The following CNTN5 variants were observed in gnomAD, a reference collection of about 807,000 sequenced individuals.
CNTN5 encodes contactin 5, also known as contactin-5.
A neutral mutation model predicts 129.1 loss-of-function variants in CNTN5; 77 were observed. The ratio of observed to expected loss-of-function variants is 0.60; its 90% CI spans 0.50 to 0.72. CNTN5 has a LOEUF of 0.72. Ranked by LOEUF, CNTN5 falls within the 30% of genes least tolerant of loss-of-function variation. The pLI is 0.00. For missense variants in CNTN5, 1,478 were observed against 1,328.8 expected (o/e 1.11, Z -1.75); for synonymous variants, 509 against 465.6 (o/e 1.09, Z -1.20).
intron 1 of CNTN5, among the ~76,000 whole-genome samples, chr11:99,201,315 C>T (rs563263334): frequency 3.2e-4 from 41 of 126,602 alleles, no homozygotes; most frequent in African/African-American, 9.2e-4. Context: ...TGAGCCACTG[C>T]GCCTGGCCCC....
chr11:100,179,746 T>G (rs959996515), intron 13 of CNTN5, among the ~76,000 whole-genome samples: 8 of 152,084 alleles, frequency 5.3e-5, no homozygotes, highest in Admixed American at 2.0e-4. Context: ...AAAAATAATT[T>G]ATCCATTGCT....
intron 2 of CNTN5, among the ~76,000 whole-genome samples, chr11:99,414,714 G>T (rs1182573815): frequency 6.6e-6 from 1 of 151,998 alleles, no homozygotes; most frequent in East Asian, 1.9e-4. Flanking sequence ...GATATCTGGG[G>T]GAAATTATTT....
At chr11:99,644,225 C>T (rs909281303) in intron 3 of CNTN5, among the ~76,000 whole-genome samples, 1 of 90,860 alleles carries the variant, frequency 1.1e-5, no homozygotes, top group Non-Finnish European at 2.8e-5. Context: ...TCAGAAACTC[C>T]TCCTATTACG....
intron 10 of CNTN5, among the ~76,000 whole-genome samples, chr11:100,068,451 G>A (rs1235603891): frequency 6.6e-6 from 1 of 152,108 alleles, no homozygotes; most frequent in Non-Finnish European, 1.5e-5. Context: ...TATGTAGAGT[G>A]AACAGTTTAA....
intron 1 of CNTN5, among the ~76,000 whole-genome samples, chr11:99,138,522 A>G (rs563027270): frequency 1.3e-5 from 2 of 152,264 alleles, no homozygotes; most frequent in Admixed American, 6.5e-5. Flanking sequence ...ATTTTTAAAC[A>G]ATGTTGCGAT....
rs189051850 is a variant in CNTN5 at position 100,216,679 on chromosome 11, C to G, written c.1885-8013C>G. The stretch of plus-strand genomic sequence containing the variant: ...GATACTGACATTTCATAGAGCTATG[C>G]AGCCTTTTATGCCTAGATGCGGTTG... On this transcript the variant is annotated intron_variant, in intron 15 of 24. Transcript: ENST00000524871. Among the ~76,000 whole-genome samples, 14 of 152,174 alleles carry G rather than the reference C, an allele frequency of 9.2e-5. No individual in the cohort carries two copies. In the East Asian group the frequency reaches 2.7e-3, roughly 29 times the overall value.
At chr11:99,775,149 C>G (rs778413368) in intron 3 of CNTN5, among the ~76,000 whole-genome samples, 1 of 151,968 alleles carries the variant, frequency 6.6e-6, no homozygotes, top group Admixed American at 6.6e-5. Context: ...CTGCCATGGG[C>G]GTGATGCTTA....
chr11:99,975,402 C>T (rs1482187816), intron 8 of CNTN5, among the ~76,000 whole-genome samples: 2 of 152,114 alleles, frequency 1.3e-5, no homozygotes, highest in Admixed American at 6.6e-5. Flanking sequence ...TGCCTGTACC[C>T]ATATTGTGAG....
intron 2 of CNTN5, among the ~76,000 whole-genome samples, chr11:99,420,903 C>T (rs1942858389): frequency 6.6e-6 from 1 of 152,138 alleles, no homozygotes; most frequent in Non-Finnish European, 1.5e-5. Context: ...CCTTTGCTGT[C>T]CATGTGAAGG....
chr11:100,338,107 C>T (rs746832177), intron 21 of CNTN5, among the ~76,000 whole-genome samples: 13 of 152,110 alleles, frequency 8.5e-5, no homozygotes, highest in African/African-American at 1.2e-4. Flanking sequence ...ATACAAAAGA[C>T]GAGGAAGAAA....
chr11:100,134,694 C>A (rs1946471556), intron 13 of CNTN5, among the ~76,000 whole-genome samples: 1 of 152,148 alleles, frequency 6.6e-6, no homozygotes, highest in Non-Finnish European at 1.5e-5. Context: ...TTCTGATCAT[C>A]CATCAGCCTT....
At chr11:100,051,368 G>C (rs1225006439) in intron 9 of CNTN5, among the ~76,000 whole-genome samples, 19 of 151,912 alleles carry the variant, frequency 1.3e-4, no homozygotes, top group Non-Finnish European at 1.5e-5. Context: ...CAAATATTTA[G>C]AAATTCAAAA....
intron 1 of CNTN5, among the ~76,000 whole-genome samples, chr11:99,145,096 G>C (rs1166248116): frequency 1.3e-5 from 2 of 152,058 alleles, no homozygotes; most frequent in South Asian, 4.1e-4. Flanking sequence ...TTGAGACAGA[G>C]GCTTGCTCTT....
intron 1 of CNTN5, among the ~76,000 whole-genome samples, chr11:99,076,822 A>G (rs560392055): frequency 3.9e-5 from 6 of 152,324 alleles, no homozygotes; most frequent in South Asian, 4.1e-4. Context: ...TAAAGGAAAG[A>G]GAAATCTGAT....
intron 2 of CNTN5, among the ~76,000 whole-genome samples, chr11:99,393,317 A>T (rs577164184): frequency 4.0e-5 from 6 of 151,842 alleles, no homozygotes; most frequent in Non-Finnish European, 8.9e-5. Context: ...ACAAGCATGG[A>T]TTGGAGACAG....
At chr11:99,738,641 G>GTGTGTGTGTGTGTGTC (rs764974721) in intron 3 of CNTN5, among the ~76,000 whole-genome samples, 1 of 151,354 alleles carries the variant, frequency 6.6e-6, no homozygotes, top group Non-Finnish European at 1.5e-5. Flanking sequence ...GTGTGTGTGT[G>GTGTGTGTGTGTGTGTC]TATGTGTGTG....
At position 99,184,354 on chromosome 11, in the gene CNTN5, A is replaced by G. The variant is rs555285784; in HGVS notation, c.-209-140992A>G. Among the ~76,000 whole-genome samples the G allele has an allele frequency of 5.9e-5, 9 of 151,890 alleles. No individual in the cohort carries two copies. In the East Asian group the frequency reaches 1.2e-3, roughly 20 times the overall value. On this transcript the variant is annotated intron_variant, in intron 1 of 24. Coordinates refer to ENST00000524871, the MANE Select transcript of CNTN5 (RefSeq NM_014361.4). ...ACAATTTTATGAACTCACAGCTGCT[A>G]CTCCCTCTGCTCAGAAAGCCTCCTG... is the stretch of plus-strand genomic sequence containing the variant.
intron 7 of CNTN5, among the ~76,000 whole-genome samples, chr11:99,952,500 C>G: frequency 6.6e-6 from 1 of 152,004 alleles, no homozygotes; most frequent in East Asian, 1.9e-4. Flanking sequence ...AAATGCAAAA[C>G]TTGAACTATT....
At chr11:99,471,939 T>C (rs1398270713) in intron 2 of CNTN5, among the ~76,000 whole-genome samples, 4 of 152,158 alleles carry the variant, frequency 2.6e-5, no homozygotes, top group African/African-American at 9.7e-5. Context: ...ATTTATTGAA[T>C]GAATTAAGTT....
Sources: allele counts gnomAD v4.1 joint callset (sites outside exome capture counted in the v4.1 genomes callset), GRCh38; gene constraint gnomAD v4.1.1; transcripts MANE v1.5; gene names NCBI Gene and HGNC (gene_info 2026-07-23, HGNC 2026-07-21).